Variants in RUFY3 observed in about 807,000 individuals in gnomAD.
RUFY3 encodes the protein protein RUFY3.
RUFY3 carries 34 observed loss-of-function variants against 84.0 expected under a neutral mutation model. The ratio of observed to expected loss-of-function variants is 0.40; its 90% CI spans 0.31 to 0.54. The LOEUF is 0.54. Ranked by LOEUF, RUFY3 falls within the 20% of genes least tolerant of loss-of-function variation. RUFY3 has a pLI of 0.39. For synonymous variants in RUFY3, 242 were observed against 252.9 expected (o/e 0.96, Z 0.41); for missense variants, 507 against 736.8 (o/e 0.69, Z 3.61).
At chr4:70,771,708 T>C (rs1726994655) in intron 5 of RUFY3, among the ~76,000 whole-genome samples, 1 of 152,028 alleles carries the variant, frequency 6.6e-6, no homozygotes. Flanking sequence ...ATTTTTTTGT[T>C]TTGTGGAGAC....
intron 3 of RUFY3, 75 bp downstream of exon 3, chr4:70,763,744 A>G: frequency 6.6e-7 from 1 of 1,510,264 alleles, no homozygotes; most frequent in Non-Finnish European, 8.9e-7. Context: ...AAGACTAAAG[A>G]CAATTATGTA....
chr4:70,771,260 T>C (rs1468536704), intron 5 of RUFY3, among the ~76,000 whole-genome samples: 2 of 152,126 alleles, frequency 1.3e-5, no homozygotes, highest in African/African-American at 2.4e-5. Flanking sequence ...CTTCAATTTG[T>C]AAAAAATGCA....
upstream of RUFY3, among the ~76,000 whole-genome samples, chr4:70,717,918 T>C (rs6447033): frequency 0.064 from 8,961 of 140,014 alleles, 780 homozygotes; most frequent in African/African-American, 0.2. Flanking sequence ...AGTCTTACAC[T>C]GTTGCCCAGG....
chr4:70,784,340 G>A (rs1360760562), intron 9 of RUFY3, among the ~76,000 whole-genome samples: 1 of 152,070 alleles, frequency 6.6e-6, no homozygotes, highest in Non-Finnish European at 1.5e-5. Context: ...AAAATTAGCC[G>A]GGCGTGGTGG....
chr4:70,774,644 AATATATAT>A (rs1553916772), intron 6 of RUFY3, among the ~76,000 whole-genome samples: 800 of 56,680 alleles, frequency 0.014, 12 homozygotes, highest in Middle Eastern at 0.02. Flanking sequence ...AAAAAAAAAA[AATATATAT>A]ATATATATAT....
At chr4:70,734,418 A>C (rs924263671) in intron 1 of RUFY3, 1 of 985,410 alleles carries the variant, frequency 1.0e-6, no homozygotes. Flanking sequence ...TTACACTGTC[A>C]GGTTCTCTGA....
intron 1 of RUFY3, among the ~76,000 whole-genome samples, chr4:70,710,260 A>G (rs1333631615): frequency 6.6e-6 from 1 of 152,374 alleles, no homozygotes; most frequent in East Asian, 1.9e-4. Flanking sequence ...GCATGCATGC[A>G]TGTATGTATG....
Position 70,727,258 on chromosome 4 carries a change from A to AT in RUFY3, c.178+4515dup, listed in dbSNP as rs145547609. Among the ~76,000 whole-genome samples, 132 of 148,742 alleles carry AT rather than the reference A, an allele frequency of 8.9e-4. 3 individuals carry two copies. The South Asian group carries it at 0.027, about 31-fold the overall frequency. ...TGAAGTGGTATATTTTATTTTTGCG[A>AT]TTTTTTTTAAGTCACATGCTCATAT... is the stretch of plus-strand genomic sequence containing the variant. On this transcript the variant is annotated intron_variant, in intron 1 of 17. Coordinates refer to ENST00000381006, the MANE Select transcript of RUFY3 (RefSeq NM_001037442.4).
At position 70,792,054 on chromosome 4, in the gene RUFY3, C is replaced by T. The variant is rs181561341; in HGVS notation, c.1338-1731C>T. 1.3e-5 allele frequency: 13 copies of T among 985,496 alleles called. No homozygotes were observed. In the African/African-American group the frequency reaches 2.1e-4, roughly 16 times the overall value. The allele number at this position is 985,496 out of a possible 1,614,324, so 61.0% of individuals were successfully genotyped here. A position where few individuals can be genotyped will look rare whatever the true frequency, so the allele number is the denominator to read the frequency against. ...CATGTTTGTCATCTTCTACCTCTGC[C>T]GTTTTCCTGCAATTCCGCTTCCTAC... On this transcript the variant is annotated intron_variant, in intron 12 of 17. Coordinates refer to ENST00000381006, the MANE Select transcript of RUFY3 (RefSeq NM_001037442.4).
intron 8 of RUFY3, among the ~76,000 whole-genome samples, chr4:70,780,274 T>C (rs1027581906): frequency 6.6e-6 from 1 of 150,804 alleles, no homozygotes; most frequent in Non-Finnish European, 1.5e-5. Flanking sequence ...TTTTTTGTTT[T>C]TTTGTTTTGT....
intron 1 of RUFY3, among the ~76,000 whole-genome samples, chr4:70,730,546 C>T (rs1161638299): frequency 6.8e-6 from 1 of 146,244 alleles, no homozygotes; most frequent in East Asian, 2.0e-4. Flanking sequence ...CAAGACTAGC[C>T]TGGCCAACAT....
intron 1 of RUFY3, among the ~76,000 whole-genome samples, chr4:70,747,133 A>G (rs1446958123): frequency 6.6e-6 from 1 of 152,212 alleles, no homozygotes. Flanking sequence ...AGAAAATGCA[A>G]CAAGAGAAAA....
At chr4:70,737,324 A>C (rs115766565) in intron 1 of RUFY3, among the ~76,000 whole-genome samples, 2,150 of 152,248 alleles carry the variant, frequency 0.014, 26 homozygotes, top group Middle Eastern at 0.051. Context: ...ATGTTTTTCT[A>C]AGATTGCTAG....
At chr4:70,709,086 C>A (rs1428665029) in intron 1 of RUFY3, among the ~76,000 whole-genome samples, 1 of 152,094 alleles carries the variant, frequency 6.6e-6, no homozygotes, top group Non-Finnish European at 1.5e-5. Flanking sequence ...AGAAGGTAGC[C>A]TAAACTTTTC....
At chr4:70,724,162 A>G (rs1298459971) in intron 1 of RUFY3, among the ~76,000 whole-genome samples, 1 of 152,174 alleles carries the variant, frequency 6.6e-6, no homozygotes, top group East Asian at 1.9e-4. Context: ...ATTTTCATCA[A>G]AACATCGTTA....
intron 1 of RUFY3, among the ~76,000 whole-genome samples, chr4:70,732,628 A>G (rs1397189939): frequency 6.6e-6 from 1 of 152,108 alleles, no homozygotes; most frequent in Non-Finnish European, 1.5e-5. Flanking sequence ...GAAGCTGGAA[A>G]CCATCATTCT....
chr4:70,760,744 A>G (rs1408407552), intron 1 of RUFY3, among the ~76,000 whole-genome samples: 1 of 152,230 alleles, frequency 6.6e-6, no homozygotes, highest in Non-Finnish European at 1.5e-5. Flanking sequence ...AGCTATGGCC[A>G]CATTTAAACT....
intron 1 of RUFY3, among the ~76,000 whole-genome samples, chr4:70,752,949 T>G (rs1195697984): frequency 1.3e-5 from 2 of 152,214 alleles, no homozygotes; most frequent in Non-Finnish European, 2.9e-5. Context: ...CTCTTCTAAT[T>G]TTTGGAATAG....
chr4:70,704,161 G>A (rs915716512), upstream of RUFY3: 2 of 152,204 alleles, frequency 1.3e-5, no homozygotes, highest in Non-Finnish European at 2.9e-5. Flanking sequence ...ATGCACTCAT[G>A]CGCACCCGCG....
Sources: allele counts gnomAD v4.1 joint callset (sites outside exome capture counted in the v4.1 genomes callset), GRCh38; gene constraint gnomAD v4.1.1; transcripts MANE v1.5; gene names NCBI Gene and HGNC (gene_info 2026-07-23, HGNC 2026-07-21).